SYMPK: variants seen among roughly 807,000 people sequenced by gnomAD.
SYMPK encodes the protein symplekin scaffold protein, also known as symplekin.
SYMPK carries 49 observed loss-of-function variants against 136.4 expected under a neutral mutation model. The ratio of observed to expected loss-of-function variants is 0.36; its 90% CI spans 0.29 to 0.46. SYMPK has a LOEUF of 0.46. Ranked by LOEUF, SYMPK falls within the 20% of genes least tolerant of loss-of-function variation. The probability of loss-of-function intolerance (pLI) is 1.00; values close to 1 mark genes in which losing one functional copy is unlikely to be tolerated. For synonymous variants in SYMPK, 766 were observed against 713.0 expected (o/e 1.07, Z -1.19); for missense variants, 1,365 against 1,690.0 (o/e 0.81, Z 3.37).
intron 1 of SYMPK, among the ~76,000 whole-genome samples, chr19:45,860,697 G>A (rs1396965806): frequency 6.6e-6 from 1 of 152,158 alleles, no homozygotes; most frequent in Non-Finnish European, 1.5e-5. Context: ...AAGCTGGAGT[G>A]CAGTGCCGCA....
intron 10 of SYMPK, among the ~76,000 whole-genome samples, chr19:45,835,641 G>C (rs188169154): frequency 6.6e-6 from 1 of 152,324 alleles, no homozygotes; most frequent in African/African-American, 2.4e-5. Flanking sequence ...GCCAGGTGCA[G>C]TGGGTCATGC....
rs144144428 is a variant in SYMPK at position 45,860,453 on chromosome 19, C to T, written c.-13+2605G>A. Among the ~76,000 whole-genome samples, 30 of 140,706 alleles carry T rather than the reference C, an allele frequency of 2.1e-4. No individual in the cohort carries two copies. In the East Asian group the frequency reaches 5.3e-3, roughly 25 times the overall value. The allele number at this position is 140,706 out of a possible 152,430, so 92.3% of individuals were successfully genotyped here. A position where few individuals can be genotyped will look rare whatever the true frequency, so the allele number is the denominator to read the frequency against. ...AGCGTGGGCAACAAGAGTGAAACTG[C>T]GTTTCAAATTAAAAAAAAAAAGAAA... On this transcript the variant is annotated intron_variant, in intron 1 of 26. Transcript: ENST00000245934.
chr19:45,830,318 C>T, intron 12 of SYMPK, 114 bp from the exon 13 acceptor site: 1 of 1,191,112 alleles, frequency 8.4e-7, no homozygotes, highest in Non-Finnish European at 1.2e-6. Context: ...CCCCATCCCC[C>T]TGCTGCCTCT....
At chr19:45,855,324 G>C (rs1470098582) in intron 1 of SYMPK, 1 of 152,242 alleles carries the variant, frequency 6.6e-6, no homozygotes, top group African/African-American at 2.4e-5. Flanking sequence ...TTTTAAAAGG[G>C]AGGAAGGGGG....
intron 18 of SYMPK, chr19:45,824,216 G>A (rs528247073): frequency 2.5e-5 from 6 of 236,638 alleles, no homozygotes; most frequent in South Asian, 1.6e-4. Context: ...CACCTGCTTC[G>A]TGACTCGGTT....
In SYMPK at chr19:45,823,415, G is replaced by A; in HGVS notation, c.2657C>T (p.Pro886Leu). 1 of 1,614,074 alleles carries A rather than the reference G, an allele frequency of 6.2e-7. No homozygotes were observed. The highest frequency in any genetic ancestry group is 8.5e-7 in the Non-Finnish European group (1 of 1,180,034). The change falls in exon 20 of 27, where the codon CCA becomes CTA. Residue 886 changes from proline (P) to leucine (L), a missense_variant. By Grantham distance (98) the Pro-to-Leu change is moderately conservative. Coordinates refer to ENST00000245934, the MANE Select transcript of SYMPK (RefSeq NM_004819.3). ...CACCGGGATGAGGAAGCGGACGTCT[G>A]GCAGTCGCTTGTGGTAGAGATCCCG... Reference protein sequence around the residue: ...RVRDLYHKRLPDVRFLIPVLN... With the variant: ...RVRDLYHKRLLDVRFLIPVLN...
chr19:45,834,998 G>A (rs758373308), intron 11 of SYMPK, 80 bp downstream of exon 11: 11 of 1,330,282 alleles, frequency 8.3e-6, no homozygotes, highest in Non-Finnish European at 7.0e-6. Context: ...TGCACCACGA[G>A]AAGTTGCTCT....
intron 7 of SYMPK, among the ~76,000 whole-genome samples, chr19:45,845,243 G>C (rs1971532715): frequency 6.6e-6 from 1 of 151,308 alleles, no homozygotes; most frequent in Non-Finnish European, 1.5e-5. Flanking sequence ...CTCCTGAGCT[G>C]CTGAGACCAC....
intron 24 of SYMPK, 99 bp downstream of exon 24, chr19:45,816,699 C>T: frequency 1.3e-6 from 2 of 1,499,866 alleles, no homozygotes; most frequent in Non-Finnish European, 1.8e-6. Context: ...CTTCTTGTGT[C>T]CGCCTCCATC....
rs537347014 is a variant in SYMPK, at chr19:45,835,239, C to G, written c.1243-11G>C. On this transcript the variant is annotated splice_polypyrimidine_tract_variant and intron_variant, in intron 10 of 26. Transcript: ENST00000245934. The stretch of plus-strand genomic sequence containing the variant: ...CATGCTGATGAGGACCTGTGGGATG[C>G]CCAGGAAGAGAGCCTCTCCTTAATC... 1.1e-4 allele frequency: 172 copies of G among 1,561,492 alleles called. 1 individual carries two copies. In the South Asian group the frequency reaches 2.0e-3, roughly 18 times the overall value.
intron 9 of SYMPK, among the ~76,000 whole-genome samples, chr19:45,840,774 C>G (rs1971416162): frequency 6.6e-6 from 1 of 151,610 alleles, no homozygotes; most frequent in Non-Finnish European, 1.5e-5. Context: ...ACCCGGGAGA[C>G]AGAGGCTGCA....
intron 11 of SYMPK, among the ~76,000 whole-genome samples, chr19:45,832,092 C>T (rs1971191364): frequency 6.6e-6 from 1 of 152,234 alleles, no homozygotes; most frequent in East Asian, 1.9e-4. Context: ...ATCCTCCCGC[C>T]TTGGACTTCC....
chr19:45,818,363 C>A (rs760617122), intron 22 of SYMPK, among the ~76,000 whole-genome samples: 1 of 152,218 alleles, frequency 6.6e-6, no homozygotes, highest in African/African-American at 2.4e-5. Flanking sequence ...AGGGAGAAGA[C>A]ATCCAACTCC....
chr19:45,815,504 C>A lies in SYMPK; in HGVS notation c.*56G>T, dbSNP rs4991330. Reference sequence around the variant, plus strand: ...GGCAAAGCACCCGCAGGTCAAGCCCCGCCCCGTCCCCCAGCCCCGAGTCCC... The same window carrying A: ...GGCAAAGCACCCGCAGGTCAAGCCCAGCCCCGTCCCCCAGCCCCGAGTCCC... On this transcript the variant is annotated 3_prime_UTR_variant, in exon 27 of 27. Coordinates refer to ENST00000245934, the MANE Select transcript of SYMPK (RefSeq NM_004819.3). The A allele has an allele frequency of 2.9e-5, 30 of 1,033,740 alleles. No individual in the cohort carries two copies. Among genetic ancestry groups the A allele is most frequent in the Admixed American group, 9.9e-5 (3 of 30,236 alleles). The allele number at this position is 1,033,740 out of a possible 1,614,324, so 64.0% of individuals were successfully genotyped here. A position where few individuals can be genotyped will look rare whatever the true frequency, so the allele number is the denominator to read the frequency against.
In SYMPK at chr19:45,850,226, C is replaced by T. The variant is rs1414508071; in HGVS notation, c.300-1350G>A. ...CACCACTGCACCCCAGTCTGGCCGA[C>T]AGAGTGAGATTCCATCTCAAAAAAA... On this transcript the variant is annotated intron_variant, in intron 5 of 26. Coordinates refer to ENST00000245934, the MANE Select transcript of SYMPK (RefSeq NM_004819.3). Among the ~76,000 whole-genome samples, 11 of 152,004 alleles carry T rather than the reference C, an allele frequency of 7.2e-5. No individual in the cohort carries two copies. The East Asian group carries it at 2.1e-3, about 29-fold the overall frequency.
chr19:45,828,723 C>T, intron 14 of SYMPK: 2 of 555,614 alleles, frequency 3.6e-6, no homozygotes, highest in Non-Finnish European at 6.5e-6. Context: ...CAAAGCCACG[C>T]AGAGCAAGCT....
chr19:45,838,485 C>T lies in SYMPK; in HGVS notation c.1218G>A (p.Leu406=). 6.2e-7 allele frequency: 1 copy of T among 1,613,956 alleles called. No individual in the cohort carries two copies. The change falls in exon 10 of 27, where the codon CTG becomes CTA. Residue 406 remains leucine (L), a synonymous_variant. Coordinates refer to ENST00000245934, the MANE Select transcript of SYMPK (RefSeq NM_004819.3). ...DITAEFLQPL[L]TPDNVANLVL... ...CCAGATTAGCCACATTATCAGGCGT[C>T]AGCAGAGGCTGCAGGAACTCAGCTG... is the stretch of plus-strand genomic sequence containing the variant.
At chr19:45,856,730 G>A (rs1261142187) in intron 1 of SYMPK, among the ~76,000 whole-genome samples, 1 of 152,124 alleles carries the variant, frequency 6.6e-6, no homozygotes, top group East Asian at 1.9e-4. Context: ...AGGCTAAGGT[G>A]GGAGGATCAA....
Position 45,821,625 on chromosome 19 carries a change from C to T in SYMPK, c.2792-140G>A. On this transcript the variant is annotated intron_variant, in intron 21 of 26. Transcript: ENST00000245934. The surrounding 1 kb of genome is among the most constrained non-coding windows in gnomAD (Gnocchi z 4.4). Reference sequence around the variant, plus strand: ...TTCAGGGCTGGAACAGGGGAAGCGACTGACAACATAAAAAGGGGACACCGA... The same window carrying T: ...TTCAGGGCTGGAACAGGGGAAGCGATTGACAACATAAAAAGGGGACACCGA... 1.5e-6 allele frequency: 1 copy of T among 651,226 alleles called. No individual in the cohort carries two copies. The highest frequency in any genetic ancestry group is 2.7e-6 in the Non-Finnish European group (1 of 369,726). The allele number at this position is 651,226 out of a possible 1,614,324, so 40.3% of individuals were successfully genotyped here.
Sources: allele counts gnomAD v4.1 joint callset (sites outside exome capture counted in the v4.1 genomes callset), GRCh38; gene constraint gnomAD v4.1.1; non-coding constraint Gnocchi (gnomAD v3.1); transcripts MANE v1.5; gene names NCBI Gene and HGNC (gene_info 2026-07-23, HGNC 2026-07-21).